The following HOMER1 variants were observed in gnomAD, a reference collection of about 807,000 sequenced individuals.
HOMER1 encodes homer protein homolog 1.
A neutral mutation model predicts 48.9 loss-of-function variants in HOMER1; 3 were observed. The observed-to-expected ratio is 0.06, with a 90% CI of 0.03 to 0.16. The LOEUF (loss-of-function observed/expected upper bound fraction) is 0.16. Ranked by LOEUF, HOMER1 falls within the 10% of genes least tolerant of loss-of-function variation. The pLI, the probability that HOMER1 is intolerant of heterozygous loss-of-function variation, is 1.00. For missense variants in HOMER1, 247 were observed against 411.4 expected, an observed-to-expected ratio of 0.60 and a Z score of 3.46; for synonymous variants, 134 against 146.4, an observed-to-expected ratio of 0.92 and a Z score of 0.61.
At chr5:79,493,207 C>T (rs988403673) in intron 1 of HOMER1, among the ~76,000 whole-genome samples, 1 of 152,126 alleles carries the variant, frequency 6.6e-6, no homozygotes, top group Admixed American at 6.5e-5. Flanking sequence ...CCTGAGCCAC[C>T]GCACCTGGCT....
At chr5:79,494,041 T>G (rs1390785527) in intron 1 of HOMER1, among the ~76,000 whole-genome samples, 1 of 152,238 alleles carries the variant, frequency 6.6e-6, no homozygotes, top group Non-Finnish European at 1.5e-5. Flanking sequence ...CTGGTACATG[T>G]GATCCTGGCT....
At chr5:79,455,899 G>A (rs996966544) in intron 2 of HOMER1, among the ~76,000 whole-genome samples, 1 of 152,190 alleles carries the variant, frequency 6.6e-6, no homozygotes. Flanking sequence ...GCTCATGCCT[G>A]TAATCCCAGC....
intron 8 of HOMER1, among the ~76,000 whole-genome samples, chr5:79,392,721 C>T (rs1046016024): frequency 3.3e-5 from 5 of 152,136 alleles, no homozygotes; most frequent in African/African-American, 9.7e-5. Context: ...CAAATTCACT[C>T]ACCACTCACT....
intron 8 of HOMER1, among the ~76,000 whole-genome samples, chr5:79,387,071 CTCTA>C (rs1308678142): frequency 6.0e-4 from 74 of 124,094 alleles, no homozygotes; most frequent in East Asian, 3.3e-3. Context: ...TCCTTTCTTT[CTCTA>C]TCTCTCTCTC....
intron 5 of HOMER1, among the ~76,000 whole-genome samples, chr5:79,415,462 G>T (rs1465729729): frequency 2.0e-5 from 3 of 152,150 alleles, no homozygotes; most frequent in Non-Finnish European, 2.9e-5. Flanking sequence ...CAGAAGAGCT[G>T]GACCCTGCAT....
chr5:79,381,058 G>A (rs1213600805), intron 8 of HOMER1, among the ~76,000 whole-genome samples: 1 of 152,100 alleles, frequency 6.6e-6, no homozygotes, highest in Non-Finnish European at 1.5e-5. Flanking sequence ...AGCTTGCCTG[G>A]AACTGCTAAC....
At chr5:79,393,278 C>G (rs554338502) in intron 8 of HOMER1, among the ~76,000 whole-genome samples, 1 of 151,990 alleles carries the variant, frequency 6.6e-6, no homozygotes, top group African/African-American at 2.4e-5. Context: ...AATGGTAATA[C>G]TACAAAAAAT....
intron 3 of HOMER1, among the ~76,000 whole-genome samples, chr5:79,447,989 C>A (rs1322239764): frequency 6.6e-6 from 1 of 152,086 alleles, no homozygotes; most frequent in Non-Finnish European, 1.5e-5. Flanking sequence ...CTTTCTCAAA[C>A]CCTCATAAAC....
chr5:79,379,350 T>C (rs1440200159), intron 8 of HOMER1, among the ~76,000 whole-genome samples: 2 of 112,080 alleles, frequency 1.8e-5, no homozygotes, highest in East Asian at 2.1e-4. Flanking sequence ...ATATTTTATA[T>C]ATTATATAAA....
rs531951534 is a variant in HOMER1, at chr5:79,483,362, C to A, written c.6-26344G>T. Among the ~76,000 whole-genome samples, 17 of 152,154 alleles carry A rather than the reference C, an allele frequency of 1.1e-4. No individual in the cohort carries two copies. In the South Asian group the frequency reaches 3.5e-3, roughly 32 times the overall value. ...AACATCTTTCATCTTTCAGAATTTA[C>A]CCAAGTGAATTTAGGGTAATGAAAA... On this transcript the variant is annotated intron_variant, in intron 1 of 8. Transcript: ENST00000334082.
chr5:79,431,236 T>C (rs1750417185), intron 5 of HOMER1, among the ~76,000 whole-genome samples: 1 of 152,106 alleles, frequency 6.6e-6, no homozygotes, highest in African/African-American at 2.4e-5. Context: ...GGAAGGAGAA[T>C]TGCTTGAACC....
At chr5:79,469,510 C>T (rs1294414097) in intron 1 of HOMER1, among the ~76,000 whole-genome samples, 2 of 152,176 alleles carry the variant, frequency 1.3e-5, no homozygotes, top group African/African-American at 4.8e-5. Flanking sequence ...CTCGAGTCAT[C>T]TAGCTATAAG....
At chr5:79,489,225 G>A (rs981790672) in intron 1 of HOMER1, among the ~76,000 whole-genome samples, 7 of 152,036 alleles carry the variant, frequency 4.6e-5, no homozygotes, top group East Asian at 1.9e-4. Flanking sequence ...TTCAAAATAC[G>A]TTCAAGAAAC....
chr5:79,444,405 T>C (rs1286234586), intron 4 of HOMER1, among the ~76,000 whole-genome samples: 1 of 152,174 alleles, frequency 6.6e-6, no homozygotes, highest in African/African-American at 2.4e-5. Context: ...CTGGCTTCTG[T>C]ATATTAAATT....
intron 5 of HOMER1, among the ~76,000 whole-genome samples, chr5:79,433,572 AAAAC>A (rs566451078): frequency 2.4e-4 from 37 of 152,306 alleles, no homozygotes; most frequent in African/African-American, 8.2e-4. Context: ...CATCTCAAGA[AAAAC>A]AAACAAACAA....
chr5:79,507,220 A>G (rs1752801752), intron 1 of HOMER1, among the ~76,000 whole-genome samples: 2 of 151,034 alleles, frequency 1.3e-5, no homozygotes, highest in African/African-American at 4.9e-5. Flanking sequence ...CTCAAAAAAA[A>G]AAAAAAAAAA....
At chr5:79,440,561 C>T (rs905745102) in intron 4 of HOMER1, among the ~76,000 whole-genome samples, 1 of 151,994 alleles carries the variant, frequency 6.6e-6, no homozygotes, top group African/African-American at 2.4e-5. Context: ...AGTCAATGCA[C>T]GAATAAAATC....
At chr5:79,487,295 G>A (rs963921162) in intron 1 of HOMER1, among the ~76,000 whole-genome samples, 1 of 151,850 alleles carries the variant, frequency 6.6e-6, no homozygotes, top group East Asian at 1.9e-4. Context: ...AAAGAAAGAA[G>A]GAAAGAATAC....
chr5:79,463,096 C>T (rs1751360381), intron 1 of HOMER1, among the ~76,000 whole-genome samples: 1 of 152,078 alleles, frequency 6.6e-6, no homozygotes, highest in African/African-American at 2.4e-5. Flanking sequence ...TAATATTTTC[C>T]ACTGAGGATT....
Sources: allele counts gnomAD v4.1 joint callset (sites outside exome capture counted in the v4.1 genomes callset), GRCh38; gene constraint gnomAD v4.1.1; transcripts MANE v1.5; gene names NCBI Gene and HGNC (gene_info 2026-07-23, HGNC 2026-07-21).